INPP4B: variants seen among roughly 807,000 people sequenced by gnomAD.
INPP4B encodes inositol polyphosphate 4-phosphatase type II.
INPP4B carries 55 observed loss-of-function variants against 122.5 expected under a neutral mutation model. The observed-to-expected ratio is 0.45, with a 90% CI of 0.36 to 0.56. INPP4B has a LOEUF of 0.56. Ranked by LOEUF, INPP4B falls within the 20% of genes least tolerant of loss-of-function variation. INPP4B has a pLI of 0.00. For synonymous variants in INPP4B, 403 were observed against 388.7 expected, an observed-to-expected ratio of 1.04 and a Z score of -0.43; for missense variants, 1,000 against 1,097.7, an observed-to-expected ratio of 0.91 and a Z score of 1.26.
chr4:142,026,574 C>T lies in INPP4B; in HGVS notation c.*2208G>A, dbSNP rs1407271483. On this transcript the variant is annotated 3_prime_UTR_variant, in exon 26 of 26. Coordinates refer to ENST00000262992, the MANE Select transcript of INPP4B (RefSeq NM_001101669.3). ...CTCCGCCTCCGGGGTTCAAGCGATT[C>T]TCTTGCCTCAGCCTCCCAAGTAGCT... The T allele has an allele frequency of 6.6e-6, 1 of 152,490 alleles. No individual in the cohort carries two copies. Among genetic ancestry groups the T allele is most frequent in the African/African-American group, 2.4e-5 (1 of 41,458 alleles). 9.4% of individuals were successfully genotyped at this position (152,490 alleles called of 1,614,324 possible). A position where few individuals can be genotyped will look rare whatever the true frequency, so the allele number is the denominator to read the frequency against.
intron 2 of INPP4B, among the ~76,000 whole-genome samples, chr4:142,708,720 C>T (rs1435492431): frequency 2.0e-5 from 3 of 152,176 alleles, no homozygotes; most frequent in Non-Finnish European, 4.4e-5. Context: ...CAGAAGTCTG[C>T]TGCTGGGGTG....
At chr4:142,548,327 T>C (rs1727113817) in intron 2 of INPP4B, among the ~76,000 whole-genome samples, 1 of 151,984 alleles carries the variant, frequency 6.6e-6, no homozygotes, top group African/African-American at 2.4e-5. Flanking sequence ...CTGTTAGTAA[T>C]GGAACAACAA....
At chr4:142,623,646 C>A (rs138589036) in intron 2 of INPP4B, among the ~76,000 whole-genome samples, 2 of 151,730 alleles carry the variant, frequency 1.3e-5, no homozygotes, top group African/African-American at 2.4e-5. Context: ...TATACATGTG[C>A]CATGCTCGTG....
chr4:142,701,141 G>C (rs1761705833), intron 2 of INPP4B, among the ~76,000 whole-genome samples: 1 of 152,102 alleles, frequency 6.6e-6, no homozygotes, highest in Admixed American at 6.6e-5. Flanking sequence ...TGGTCTGCTT[G>C]CCACTCCTGG....
chr4:142,654,389 A>AAAAAAAAC (rs1553983869), intron 2 of INPP4B: 3 of 148,518 alleles, frequency 2.0e-5, no homozygotes, highest in African/African-American at 5.0e-5. Flanking sequence ...AAAAAAAAAA[A>AAAAAAAAC]CATAAAATGA....
chr4:142,052,279 A>T (rs922711161), intron 25 of INPP4B, among the ~76,000 whole-genome samples: 1 of 152,090 alleles, frequency 6.6e-6, no homozygotes, highest in African/African-American at 2.4e-5. Context: ...AGAATAAATT[A>T]ACATGCCTAA....
At chr4:142,145,539 T>A (rs967241436) in intron 18 of INPP4B, among the ~76,000 whole-genome samples, 3 of 152,154 alleles carry the variant, frequency 2.0e-5, no homozygotes, top group Non-Finnish European at 4.4e-5. Flanking sequence ...AATAAAATTT[T>A]GGAGGAATGT....
chr4:142,553,612 C>G (rs1200366654), intron 2 of INPP4B, among the ~76,000 whole-genome samples: 1 of 152,164 alleles, frequency 6.6e-6, no homozygotes. Flanking sequence ...AGACATAGTC[C>G]ATGCTGGCTT....
chr4:142,354,977 G>C (rs982583883), intron 7 of INPP4B, among the ~76,000 whole-genome samples: 3 of 151,936 alleles, frequency 2.0e-5, no homozygotes, highest in Admixed American at 6.6e-5. Flanking sequence ...CTTGTGGCTC[G>C]TGGCTCGAGT....
intron 9 of INPP4B, among the ~76,000 whole-genome samples, chr4:142,292,925 T>C (rs1281242475): frequency 6.6e-6 from 1 of 152,204 alleles, no homozygotes; most frequent in East Asian, 1.9e-4. Context: ...CATTTGATAA[T>C]TTGTTAATTT....
chr4:142,787,880 G>A (rs1419404189), intron 1 of INPP4B, among the ~76,000 whole-genome samples: 1 of 151,730 alleles, frequency 6.6e-6, no homozygotes, highest in Non-Finnish European at 1.5e-5. Context: ...TAGACTTGAG[G>A]AATCAGAAAA....
At position 142,028,568 on chromosome 4, in the gene INPP4B, T is replaced by TGAC. The variant is rs2152253416; in HGVS notation, c.*211_*213dup. ...ACACATAGAAGCTTAGAACTAGAAA[T>TGAC]GACAGTACTGAATCATGTAAGATTT... On this transcript the variant is annotated 3_prime_UTR_variant, in exon 26 of 26. Coordinates refer to ENST00000262992, the MANE Select transcript of INPP4B (RefSeq NM_001101669.3). 1 of 533,264 alleles carries TGAC rather than the reference T, an allele frequency of 1.9e-6. No individual in the cohort carries two copies. The highest frequency in any genetic ancestry group is 2.7e-5 in the South Asian group (1 of 36,892). 33.0% of individuals were successfully genotyped at this position (533,264 alleles called of 1,614,324 possible).
intron 7 of INPP4B, among the ~76,000 whole-genome samples, chr4:142,341,118 T>G (rs1778563666): frequency 6.6e-6 from 1 of 152,204 alleles, no homozygotes. Flanking sequence ...AATATGCTTA[T>G]TGGATTGGAA....
At chr4:142,213,575 A>G (rs1845772593) in intron 12 of INPP4B, among the ~76,000 whole-genome samples, 1 of 152,138 alleles carries the variant, frequency 6.6e-6, no homozygotes, top group Admixed American at 6.5e-5. Flanking sequence ...CCTCTGCAGT[A>G]TTTTATGTCT....
At chr4:142,087,147 G>A (rs568120106) in intron 23 of INPP4B, among the ~76,000 whole-genome samples, 3 of 152,178 alleles carry the variant, frequency 2.0e-5, no homozygotes, top group Non-Finnish European at 4.4e-5. Flanking sequence ...CATGCCAGTA[G>A]CAGCTTTCCC....
At chr4:142,592,910 G>A (rs900810492) in intron 2 of INPP4B, among the ~76,000 whole-genome samples, 1 of 151,970 alleles carries the variant, frequency 6.6e-6, no homozygotes, top group African/African-American at 2.4e-5. Context: ...AGACCAGCCT[G>A]GGCAACATAG....
intron 2 of INPP4B, among the ~76,000 whole-genome samples, chr4:142,505,881 A>T (rs1823961424): frequency 6.6e-6 from 1 of 152,116 alleles, no homozygotes; most frequent in Non-Finnish European, 1.5e-5. Context: ...CAGATATTGT[A>T]TTTATTTTCC....
chr4:142,821,525 T>A, intron 1 of INPP4B, among the ~76,000 whole-genome samples: 1 of 152,144 alleles, frequency 6.6e-6, no homozygotes, highest in East Asian at 1.9e-4. Context: ...TAACATGATA[T>A]TAGTAGGTAT....
intron 3 of INPP4B, among the ~76,000 whole-genome samples, chr4:142,459,821 C>T (rs945235316): frequency 1.3e-5 from 2 of 152,166 alleles, no homozygotes; most frequent in Admixed American, 1.3e-4. Context: ...AGCTTAGCAG[C>T]ATGCAAAGTT....
Sources: allele counts gnomAD v4.1 joint callset (sites outside exome capture counted in the v4.1 genomes callset), GRCh38; gene constraint gnomAD v4.1.1; transcripts MANE v1.5; gene names NCBI Gene and HGNC (gene_info 2026-07-23, HGNC 2026-07-21).